The following NTF4 variants were observed in gnomAD, a reference collection of about 807,000 sequenced individuals.
The protein encoded by NTF4 is neurotrophin-4.
Under a neutral mutation model 4.4 loss-of-function variants are expected in NTF4, and 2 were observed. That is an observed-to-expected ratio of 0.46 (90% CI 0.19 to 1.44). NTF4 has a LOEUF of 1.44. NTF4 is among the 40% of genes most tolerant of loss of function. The pLI is 0.26. For synonymous variants in NTF4, 127 were observed against 122.0 expected, an observed-to-expected ratio of 1.04 and a Z score of -0.27; for missense variants, 260 against 293.0, an observed-to-expected ratio of 0.89 and a Z score of 0.82.
downstream of NTF4, chr19:49,058,803 G>C (rs1403791923): frequency 6.3e-6 from 1 of 159,888 alleles, no homozygotes; most frequent in African/African-American, 2.4e-5. Flanking sequence ...GCAGGAGCTG[G>C]TTTGTTGCTG....
At chr19:49,061,049 G>A, downstream of NTF4, 1 of 402,000 alleles carries the variant, frequency 2.5e-6, no homozygotes, top group South Asian at 2.5e-5. The surrounding 1 kb of genome is among the most constrained non-coding windows in gnomAD (Gnocchi z 4.9). Flanking sequence ...TAACACCAAG[G>A]GCCACCAATG....
chr19:49,063,316 ATT>A (rs1205338872), upstream of NTF4, among the ~76,000 whole-genome samples: 34 of 132,838 alleles, frequency 2.6e-4, no homozygotes, highest in Non-Finnish European at 2.6e-4. Context: ...CCCAAACAAA[ATT>A]TTTTTTTTTT....
downstream of NTF4, among the ~76,000 whole-genome samples, chr19:49,059,122 G>C (rs542146842): frequency 6.6e-6 from 1 of 152,092 alleles, no homozygotes; most frequent in Non-Finnish European, 1.5e-5. Flanking sequence ...ACATCCATGA[G>C]AAACACCCCC....
In NTF4 at chr19:49,061,618, G is replaced by A. The variant is rs145846156; in HGVS notation, c.380C>T (p.Ala127Val). 6 of 1,613,796 alleles carry A rather than the reference G, an allele frequency of 3.7e-6. No individual in the cohort carries two copies. In the African/African-American group the frequency reaches 8.0e-5, roughly 22 times the overall value. ...GTACTGGCGGAGGGGACTGCCGCCAGCTGCAGGCACCTCGCCCAACACCTC... is the reference window on the plus strand; with the variant it reads ...GTACTGGCGGAGGGGACTGCCGCCAACTGCAGGCACCTCGCCCAACACCTC... Residue 127 changes from alanine (A) to valine (V), a missense_variant, in exon 1 of 1, where the codon GCT becomes GTT. Coordinates refer to ENST00000593537, the Ensembl canonical transcript of NTF4. The surrounding 1 kb of genome is among the most constrained non-coding windows in gnomAD (Gnocchi z 4.9).
At chr19:49,062,046 G>A (rs1305410783), upstream of NTF4, 1 of 1,430,204 alleles carries the variant, frequency 7.0e-7, no homozygotes, top group East Asian at 2.5e-5. Context: ...ATTAGAGAAG[G>A]GGGTAAAAAC....
Position 49,061,744 on chromosome 19 carries a change from G to C in NTF4, c.254C>G (p.Thr85Ser). 1 of 1,609,394 alleles carries C rather than the reference G, an allele frequency of 6.2e-7. No homozygotes were observed. The highest frequency in any genetic ancestry group is 2.2e-5 in the East Asian group (1 of 44,564). ...CTCACCCCGACGACTCGCTGGTGCA[G>C]TTTCGCTCACCCCACGCCGGCTGCG... Residue 85 changes from threonine to serine, a missense_variant, in exon 1 of 1, where the codon ACT becomes AGT. Thr to Ser is a moderately conservative substitution (Grantham distance 58). Transcript: ENST00000593537. The surrounding 1 kb of genome is among the most constrained non-coding windows in gnomAD (Gnocchi z 4.9).
chr19:49,059,122 G>A (rs542146842), downstream of NTF4, among the ~76,000 whole-genome samples: 41 of 152,210 alleles, frequency 2.7e-4, no homozygotes, highest in South Asian at 4.2e-3. Context: ...ACATCCATGA[G>A]AAACACCCCC....
Position 49,061,249 on chromosome 19 carries a change from A to C in NTF4, c.*116T>G. The C allele has an allele frequency of 6.5e-7, 1 of 1,536,276 alleles. No individual in the cohort carries two copies. Among genetic ancestry groups the C allele is most frequent in the Non-Finnish European group, 8.7e-7 (1 of 1,144,290 alleles). On this transcript the variant is annotated 3_prime_UTR_variant, in exon 1 of 1. Coordinates refer to ENST00000593537, the Ensembl canonical transcript of NTF4. The surrounding 1 kb of genome is among the most constrained non-coding windows in gnomAD (Gnocchi z 4.9). ...TCCTGCAGAGATTGAGCTCAAAATC[A>C]GAGAATTGTGATTTTGTGATTATTT...
upstream of NTF4, among the ~76,000 whole-genome samples, chr19:49,062,352 G>A (rs902547640): frequency 8.5e-5 from 13 of 152,178 alleles, no homozygotes; most frequent in African/African-American, 3.1e-4. Flanking sequence ...ACCGGGCATA[G>A]TGCTGCACGC....
chr19:49,061,945 GGGAGGAGGAAAA>G lies in NTF4; in HGVS notation c.41_52del (p.Leu14_Leu17del). The G allele has an allele frequency of 6.6e-7, 1 of 1,512,168 alleles. No homozygotes were observed. Among genetic ancestry groups the G allele is most frequent in the Non-Finnish European group, 8.9e-7 (1 of 1,119,138 alleles). The allele number at this position is 1,512,168 out of a possible 1,614,324, so 93.7% of individuals were successfully genotyped here. A position where few individuals can be genotyped will look rare whatever the true frequency, so the allele number is the denominator to read the frequency against. ...GGGTTGGGACTCAATTGGCACACTGGGGAGGAGGAAAAGGAGGAGGATGGGGAGGGAGCATGA... is the reference window on the plus strand; with the variant it reads ...GGGTTGGGACTCAATTGGCACACTGGGGAGGAGGATGGGGAGGGAGCATGA... On this transcript the variant is annotated inframe_deletion, in exon 1 of 1. Transcript: ENST00000593537. This position sits in a 1 kb window ranked among gnomAD's most constrained non-coding sequence, Gnocchi z 4.9.
At chr19:49,060,361 C>T (rs993800741), downstream of NTF4, among the ~76,000 whole-genome samples, 10 of 152,024 alleles carry the variant, frequency 6.6e-5, no homozygotes, top group Admixed American at 1.3e-4. Flanking sequence ...AATGGAGTTT[C>T]GCTCTTTTTG....
chr19:49,063,464 C>G (rs1295750576), upstream of NTF4, among the ~76,000 whole-genome samples: 1 of 152,014 alleles, frequency 6.6e-6, no homozygotes, highest in Non-Finnish European at 1.5e-5. Context: ...ACTACAGACT[C>G]AAGCCACCAC....
downstream of NTF4, chr19:49,060,998 C>A: frequency 3.5e-6 from 1 of 283,294 alleles, no homozygotes; most frequent in South Asian, 4.0e-5. Context: ...CTCCCACTCC[C>A]CAGCAAGGTG....
At chr19:49,062,922 G>A (rs1024591672), upstream of NTF4, among the ~76,000 whole-genome samples, 1 of 152,196 alleles carries the variant, frequency 6.6e-6, no homozygotes, top group Non-Finnish European at 1.5e-5. Context: ...GCAGAGATGG[G>A]ACTTCACCTC....
At chr19:49,061,026 G>A (rs895616260), downstream of NTF4, 10 of 353,056 alleles carry the variant, frequency 2.8e-5, no homozygotes, top group African/African-American at 1.9e-4. The surrounding 1 kb of genome is among the most constrained non-coding windows in gnomAD (Gnocchi z 4.9). Context: ...CTGAGACTGA[G>A]TAGTCAGCAA....
downstream of NTF4, chr19:49,058,575 C>A: frequency 2.1e-6 from 1 of 483,548 alleles, no homozygotes; most frequent in Non-Finnish European, 3.6e-6. Context: ...TTCTGGGTCC[C>A]CAGGCCCCGC....
At chr19:49,060,036 C>CAAAAAAAAAAAAAAAAAAAAAAAAA (rs55870191), downstream of NTF4, among the ~76,000 whole-genome samples, 1 of 28,418 alleles carries the variant, frequency 3.5e-5, no homozygotes, top group African/African-American at 1.7e-4. Flanking sequence ...GACTCCATCT[C>CAAAAAAAAAAAAAAAAAAAAAAAAA]AAAAAAAAAA....
At position 49,061,665 on chromosome 19, in the gene NTF4, C is replaced by A; in HGVS notation, c.333G>T (p.Val111=). The A allele has an allele frequency of 6.2e-7, 1 of 1,613,484 alleles. No individual in the cohort carries two copies. Among genetic ancestry groups the A allele is most frequent in the Non-Finnish European group, 8.5e-7 (1 of 1,179,906 alleles). ...CCTCCACCTCGCGCCCACGCAAGTC[C>A]ACAGCGGTCCGGCGGTCTGTCACCC... Residue 111 remains valine, a synonymous_variant, in exon 1 of 1, where the codon GTG becomes GTT. Coordinates refer to ENST00000593537, the Ensembl canonical transcript of NTF4. The surrounding 1 kb of genome is among the most constrained non-coding windows in gnomAD (Gnocchi z 4.9).
chr19:49,058,478 G>T, downstream of NTF4: 4 of 594,370 alleles, frequency 6.7e-6, no homozygotes, highest in Non-Finnish European at 1.2e-5. Context: ...ATTCCCTGGC[G>T]CCTCCTCTCT....
Sources: allele counts gnomAD v4.1 joint callset (sites outside exome capture counted in the v4.1 genomes callset), GRCh38; gene constraint gnomAD v4.1.1; non-coding constraint Gnocchi (gnomAD v3.1); transcripts MANE v1.5; gene names NCBI Gene and HGNC (gene_info 2026-07-23, HGNC 2026-07-21).